TGIF1: variants seen among roughly 807,000 people sequenced by gnomAD.
TGIF1 encodes the protein homeobox protein TGIF1.
TGIF1 carries 4 observed loss-of-function variants against 19.3 expected under a neutral mutation model. That is an observed-to-expected ratio of 0.21 (90% CI 0.10 to 0.47). The LOEUF (loss-of-function observed/expected upper bound fraction) is 0.47. Ranked by LOEUF, TGIF1 falls within the 20% of genes least tolerant of loss-of-function variation. The pLI is 0.98. For missense variants in TGIF1, 275 were observed against 341.4 expected, an observed-to-expected ratio of 0.81 and a Z score of 1.53; for synonymous variants, 122 against 129.3, an observed-to-expected ratio of 0.94 and a Z score of 0.38.
At chr18:3,416,371 C>T (rs953006856) in intron 1 of TGIF1, among the ~76,000 whole-genome samples, 15 of 151,944 alleles carry the variant, frequency 9.9e-5, no homozygotes. Flanking sequence ...ATACAAAAAT[C>T]AGCAGGGTGT....
chr18:3,448,075 G>T (rs182953695), upstream of TGIF1: 196 of 978,892 alleles, frequency 2.0e-4, 1 homozygote, highest in East Asian at 2.3e-3. Context: ...AAAGCGGGCG[G>T]GGGGGGAGGT....
chr18:3,415,211 CA>C, intron 1 of TGIF1: 1 of 228,596 alleles, frequency 4.4e-6, no homozygotes, highest in South Asian at 6.0e-5. Flanking sequence ...GCTCAAGAGC[CA>C]GGCCCGTTTG....
intron 1 of TGIF1, chr18:3,452,516 A>G (rs1352624948): frequency 1.0e-5 from 14 of 1,345,800 alleles, no homozygotes; most frequent in African/African-American, 1.5e-5. Context: ...GGCCTCTGAG[A>G]AGGTGGGATT....
At chr18:3,420,189 T>C (rs1189713322) in intron 2 of TGIF1, among the ~76,000 whole-genome samples, 2 of 152,058 alleles carry the variant, frequency 1.3e-5, no homozygotes, top group African/African-American at 4.8e-5. Flanking sequence ...GAGACCATCC[T>C]GGCCAACATG....
chr18:3,412,994 G>C (rs948137832), intron 1 of TGIF1: 1 of 152,168 alleles, frequency 6.6e-6, no homozygotes, highest in African/African-American at 2.4e-5. Flanking sequence ...CTCCAGCCTG[G>C]GCGACAAAAC....
At chr18:3,429,304 C>T (rs1430580061) in intron 2 of TGIF1, among the ~76,000 whole-genome samples, 1 of 152,070 alleles carries the variant, frequency 6.6e-6, no homozygotes, top group Non-Finnish European at 1.5e-5. Context: ...TCAAACAATC[C>T]TCCCAAAGCA....
Position 3,456,117 on chromosome 18 carries a change from A to C in TGIF1, c.17-237A>C, listed in dbSNP as rs1275664150. 1.7e-6 allele frequency: 1 copy of C among 586,084 alleles called. No homozygotes were observed. Among genetic ancestry groups the C allele is most frequent in the Admixed American group, 2.9e-5 (1 of 34,866 alleles). The allele number at this position is 586,084 out of a possible 1,614,324, so 36.3% of individuals were successfully genotyped here. A position where few individuals can be genotyped will look rare whatever the true frequency, so the allele number is the denominator to read the frequency against. On this transcript the variant is annotated intron_variant, in intron 1 of 2. Coordinates refer to ENST00000343820, the MANE Select transcript of TGIF1 (RefSeq NM_003244.4). This position sits in a 1 kb window ranked among gnomAD's most constrained non-coding sequence, Gnocchi z 4.2. ...CAAAAGGAATGTGAGAAGTTAATGA[A>C]TCCTAGAGGAAAGCGGCTGAGAAAA... is the stretch of plus-strand genomic sequence containing the variant.
Position 3,456,507 on chromosome 18 carries a change from A to G in TGIF1, c.170A>G (p.His57Arg). The stretch of plus-strand genomic sequence containing the variant: ...ATTCTTCGGGATTGGCTGTATGAGC[A>G]CCGTTACAATGCCTATCCTTCAGAG... Reference protein sequence around the residue: ...VQILRDWLYEHRYNAYPSEQE... With the variant: ...VQILRDWLYERRYNAYPSEQE... Residue 57 changes from histidine (H) to arginine (R), a missense_variant, in exon 2 of 3, where the codon CAC becomes CGC. By Grantham distance (29) the His-to-Arg change is conservative. Transcript: ENST00000343820. This position sits in a 1 kb window ranked among gnomAD's most constrained non-coding sequence, Gnocchi z 4.2. 3.1e-6 allele frequency: 5 copies of G among 1,614,214 alleles called. No homozygotes were observed. Among genetic ancestry groups the G allele is most frequent in the Non-Finnish European group, 4.2e-6 (5 of 1,180,034 alleles).
At chr18:3,412,029 G>T in exon 1 of TGIF1, 1 of 162,424 alleles carries the variant, frequency 6.2e-6, no homozygotes, top group African/African-American at 2.3e-5. Flanking sequence ...TCTGTTACAA[G>T]GGGGAAAGAC....
Position 3,457,929 on chromosome 18 carries a change from C to T in TGIF1, c.808C>T (p.Leu270Phe), listed in dbSNP as rs983673753. 10 of 1,600,210 alleles carry T rather than the reference C, an allele frequency of 6.2e-6. No individual in the cohort carries two copies. Among genetic ancestry groups the T allele is most frequent in the African/African-American group, 4.0e-5 (3 of 74,922 alleles). ...TGCAGAGATGGAGCTTCAGGCAAAA[C>T]TTACAGCTTAACCCATTTTCAAGCA... ...RAAEMELQAKLTA is the reference protein window; with the variant it reads ...RAAEMELQAKFTA The change falls in exon 3 of 3, where the codon CTT (leucine) becomes TTT (phenylalanine). Residue 270 changes from leucine to phenylalanine, a missense_variant. By Grantham distance (22) the Leu-to-Phe change is conservative. Coordinates refer to ENST00000343820, the MANE Select transcript of TGIF1 (RefSeq NM_003244.4). The surrounding 1 kb of genome is among the most constrained non-coding windows in gnomAD (Gnocchi z 4.9).
upstream of TGIF1, chr18:3,447,955 C>G: frequency 1.1e-6 from 1 of 874,746 alleles, no homozygotes; most frequent in Non-Finnish European, 1.4e-6. Flanking sequence ...CAGTCATTAG[C>G]CAAGTCCACT....
chr18:3,414,613 T>C (rs2082308138), intron 1 of TGIF1, among the ~76,000 whole-genome samples: 1 of 152,226 alleles, frequency 6.6e-6, no homozygotes, highest in African/African-American at 2.4e-5. Context: ...CCCATCTGTG[T>C]CCTCTCTAGA....
At position 3,422,673 on chromosome 18, in the gene TGIF1, C is replaced by CTTTTTTGTTTTTTTTTTTTTTTTTTTT. The variant is rs1481496826; in HGVS notation, c.-45+4464_-45+4465insGTTTTTTTTTTTTTTTTTTTTTTTTTT. 8.1e-5 allele frequency among the ~76,000 whole-genome samples: 2 copies of CTTTTTTGTTTTTTTTTTTTTTTTTTTT among 24,672 alleles called. 1 individual carries two copies. The allele number at this position is 24,672 out of a possible 152,430, so 16.2% of individuals were successfully genotyped here. On this transcript the variant is annotated intron_variant, in intron 2 of 3. Coordinates refer to the TGIF1 transcript ENST00000401449. ...ATGTTAAGTGCCCTATATAGGTGGC[C>CTTTTTTGTTTTTTTTTTTTTTTTTTTT]TTTTTTTTTTTTTTTTTTTTTTTTT... is the stretch of plus-strand genomic sequence containing the variant.
intron 1 of TGIF1, chr18:3,452,014 T>G: frequency 6.2e-7 from 1 of 1,607,586 alleles, no homozygotes. Flanking sequence ...TCTGCCGGGG[T>G]GGGCTCCCCG....
In TGIF1 at chr18:3,457,841, A is replaced by G; in HGVS notation, c.720A>G (p.Pro240=). ...SGLFNTPPPT[P]PDLNQDFSGF... ...TTTTCAACACTCCTCCCCCTACTCC[A>G]CCGGACCTCAACCAGGACTTCAGTG... The change falls in exon 3 of 3, where the codon CCA becomes CCG. Residue 240 remains proline, a synonymous_variant. Transcript: ENST00000343820. The surrounding 1 kb of genome is among the most constrained non-coding windows in gnomAD (Gnocchi z 4.9). 6.2e-7 allele frequency: 1 copy of G among 1,610,760 alleles called. No homozygotes were observed.
chr18:3,454,604 A>T (rs755323732), intron 1 of TGIF1, among the ~76,000 whole-genome samples: 8 of 152,214 alleles, frequency 5.3e-5, no homozygotes, highest in Non-Finnish European at 8.8e-5. Context: ...AAATTTCAAT[A>T]TAGGTTTTGA....
At chr18:3,431,852 C>T (rs2082551215) in intron 2 of TGIF1, among the ~76,000 whole-genome samples, 4 of 152,232 alleles carry the variant, frequency 2.6e-5, no homozygotes, top group South Asian at 4.2e-4. Context: ...TACTAAGGGC[C>T]GGGTGCTGTG....
intron 1 of TGIF1, chr18:3,452,099 C>T (rs373318303): frequency 6.2e-7 from 1 of 1,614,018 alleles, no homozygotes; most frequent in East Asian, 2.2e-5. Context: ...ATCCCCAGTG[C>T]TCCTTTTCCA....
At chr18:3,452,708 C>T (rs2083015883) in intron 1 of TGIF1, among the ~76,000 whole-genome samples, 1 of 152,288 alleles carries the variant, frequency 6.6e-6, no homozygotes, top group Non-Finnish European at 1.5e-5. Flanking sequence ...CTAAAACTAC[C>T]TGGGAGGGGG....
Sources: gnomAD v4.1 joint callset for allele counts (sites outside exome capture counted in the v4.1 genomes callset) on GRCh38, gnomAD v4.1.1 for gene constraint, Gnocchi (gnomAD v3.1) non-coding constraint, MANE v1.5 for transcripts, NCBI Gene and HGNC (gene_info 2026-07-23, HGNC 2026-07-21) for gene names.